The following CRYBB3 variants were observed in gnomAD, a reference collection of about 807,000 sequenced individuals.
The protein encoded by CRYBB3 is crystallin beta B3, also known as beta-crystallin B3.
A neutral mutation model predicts 28.3 loss-of-function variants in CRYBB3; 35 were observed. The ratio of observed to expected loss-of-function variants is 1.24; its 90% CI spans 0.95 to 1.64. The LOEUF is 1.64. Ranked by LOEUF, CRYBB3 falls within the 40% of genes most tolerant of loss-of-function variation. The pLI, the probability that CRYBB3 is intolerant of heterozygous loss-of-function variation, is 0.00. For synonymous variants in CRYBB3, 106 were observed against 110.4 expected (o/e 0.96, Z 0.25); for missense variants, 296 against 297.4 (o/e 1.00, Z 0.04).
chr22:25,207,062 G>T lies in CRYBB3; in HGVS notation c.486G>T (p.Glu162Asp). 1 of 1,613,710 alleles carries T rather than the reference G, an allele frequency of 6.2e-7. No individual in the cohort carries two copies. The highest frequency in any genetic ancestry group is 8.5e-7 in the Non-Finnish European group (1 of 1,179,744). ...CTCCCGGCAGGTGGGTTGGCTATGA[G>T]TTCCCCGGCTACCGTGGGCGCCAGT... ...RAINGTWVGY[E>D]FPGYRGRQYV... is the part of the protein sequence containing the mutation. Residue 162 changes from glutamate to aspartate, a missense_variant, in exon 6 of 6, where the codon GAG becomes GAT. Physicochemically the swap from Glu to Asp is conservative, Grantham distance 45 (BLOSUM62 2). Coordinates refer to ENST00000215855, the MANE Select transcript of CRYBB3 (RefSeq NM_004076.5).
intron 1 of CRYBB3, among the ~76,000 whole-genome samples, 166 bp downstream of exon 1, chr22:25,200,075 G>C (rs1404507117): frequency 2.0e-5 from 3 of 152,166 alleles, no homozygotes; most frequent in Non-Finnish European, 4.4e-5. Context: ...CCAGCTGGGG[G>C]TGGAACGAGG....
intron 5 of CRYBB3, among the ~76,000 whole-genome samples, chr22:25,206,356 C>T (rs1468665249): frequency 1.3e-5 from 2 of 152,066 alleles, no homozygotes; most frequent in African/African-American, 4.8e-5. Flanking sequence ...CCAGCCTGAC[C>T]ACCACGGAGA....
In CRYBB3 at chr22:25,207,347, C is replaced by A. The variant is rs1935054582; in HGVS notation, c.*135C>A. The A allele has an allele frequency of 1.3e-6, 1 of 757,820 alleles. No homozygotes were observed. The highest frequency in any genetic ancestry group is 2.1e-6 in the Non-Finnish European group (1 of 477,916). The allele number at this position is 757,820 out of a possible 1,614,324, so 46.9% of individuals were successfully genotyped here. On this transcript the variant is annotated 3_prime_UTR_variant, in exon 6 of 6. Coordinates refer to ENST00000215855, the MANE Select transcript of CRYBB3 (RefSeq NM_004076.5). ...CTGCTCAATAAAGCCTGGGGTTGGTCCCCCACCCGCCACGTTCCTCGGCAT... is the reference window on the plus strand; with the variant it reads ...CTGCTCAATAAAGCCTGGGGTTGGTACCCCACCCGCCACGTTCCTCGGCAT...
rs141765509 is a variant in CRYBB3 at position 25,205,301 on chromosome 22, C to T, written c.409C>T (p.Pro137Ser). 1.2e-6 allele frequency: 2 copies of T among 1,614,024 alleles called. No homozygotes were observed. Among genetic ancestry groups the T allele is most frequent in the Non-Finnish European group, 1.7e-6 (2 of 1,180,048 alleles). The change falls in exon 5 of 6, where the codon CCC becomes TCC. Residue 137 changes from proline to serine, a missense_variant. Pro to Ser is a moderately conservative substitution (Grantham distance 74). Coordinates refer to ENST00000215855, the MANE Select transcript of CRYBB3 (RefSeq NM_004076.5). The stretch of plus-strand genomic sequence containing the variant: ...GATGGAGATAGTGGATGATGACGTG[C>T]CCAGCCTGTGGGCTCATGGCTTCCA... ...RKMEIVDDDV[P>S]SLWAHGFQDR... is the part of the protein sequence containing the mutation.
rs1290227354 is a variant in CRYBB3 at position 25,207,122 on chromosome 22, T to C, written c.546T>C (p.Asn182=). 6 of 1,613,470 alleles carry C rather than the reference T, an allele frequency of 3.7e-6. No homozygotes were observed. Among genetic ancestry groups the C allele is most frequent in the Middle Eastern group, 1.6e-4 (1 of 6,084 alleles). Residue 182 remains asparagine (N), a synonymous_variant, in exon 6 of 6, where the codon AAT becomes AAC. Transcript: ENST00000215855. ...VFERGEYRHW[N]EWDASQPQLQ... ...AGCGGGGCGAGTACCGCCACTGGAA[T>C]GAGTGGGACGCCAGCCAGCCGCAGC... is the stretch of plus-strand genomic sequence containing the variant.
Position 25,201,479 on chromosome 22 carries a change from G to A in CRYBB3, c.75+8G>A. 6.2e-7 allele frequency: 1 copy of A among 1,612,286 alleles called. No homozygotes were observed. The highest frequency in any genetic ancestry group is 8.5e-7 in the Non-Finnish European group (1 of 1,179,142). ...CTTGGGGGCAGCTACAAGGTACTGGGCAGGGAGGGGGTCAGAGGGCCCAGG... is the reference window on the plus strand; with the variant it reads ...CTTGGGGGCAGCTACAAGGTACTGGACAGGGAGGGGGTCAGAGGGCCCAGG... On this transcript the variant is annotated splice_region_variant and intron_variant, in intron 2 of 5. Coordinates refer to ENST00000215855, the MANE Select transcript of CRYBB3 (RefSeq NM_004076.5).
Position 25,202,688 on chromosome 22 carries a change from A to G in CRYBB3, c.90A>G (p.Glu30=). ...LGGSYKVILY[E]LENFQGKRCE... ...TGCTCTTCTAGGTGATCTTGTACGA[A>G]CTAGAGAACTTCCAAGGCAAACGCT... The change falls in exon 3 of 6, where the codon GAA becomes GAG. Residue 30 remains glutamate, a synonymous_variant. Transcript: ENST00000215855. 1 of 1,613,948 alleles carries G rather than the reference A, an allele frequency of 6.2e-7. No homozygotes were observed. Among genetic ancestry groups the G allele is most frequent in the Non-Finnish European group, 8.5e-7 (1 of 1,179,932 alleles).
chr22:25,202,542 C>A, intron 2 of CRYBB3, 132 bp from the exon 3 acceptor site: 1 of 1,560,248 alleles, frequency 6.4e-7, no homozygotes. Context: ...AGTGCAGGCC[C>A]ACCTCAGTGC....
Position 25,207,063 on chromosome 22 carries a change from T to C in CRYBB3, c.487T>C (p.Phe163Leu). Reference protein sequence around the residue: ...AINGTWVGYEFPGYRGRQYVF... With the variant: ...AINGTWVGYELPGYRGRQYVF... ...TCCCGGCAGGTGGGTTGGCTATGAG[T>C]TCCCCGGCTACCGTGGGCGCCAGTA... The change falls in exon 6 of 6, where the codon TTC (phenylalanine) becomes CTC (leucine). Residue 163 changes from phenylalanine (F) to leucine (L), a missense_variant. Coordinates refer to ENST00000215855, the MANE Select transcript of CRYBB3 (RefSeq NM_004076.5). The C allele has an allele frequency of 1.2e-6, 2 of 1,613,320 alleles. No homozygotes were observed. Among genetic ancestry groups the C allele is most frequent in the African/African-American group, 1.3e-5 (1 of 74,940 alleles).
At chr22:25,205,116 G>T in intron 4 of CRYBB3, 104 bp from the exon 5 acceptor site, 2 of 1,484,644 alleles carry the variant, frequency 1.3e-6, no homozygotes, top group South Asian at 1.2e-5. Context: ...TTGGGGGTGG[G>T]TGTTATTTTG....
chr22:25,202,816 C>T (rs1934972182), intron 3 of CRYBB3, 24 bp downstream of exon 3: 3 of 1,612,486 alleles, frequency 1.9e-6, no homozygotes, highest in Non-Finnish European at 2.5e-6. Flanking sequence ...CCCCCAGTCC[C>T]TCGCCACAGC....
intron 1 of CRYBB3, among the ~76,000 whole-genome samples, chr22:25,200,945 G>A (rs1268233520): frequency 6.6e-6 from 1 of 152,232 alleles, no homozygotes; most frequent in Non-Finnish European, 1.5e-5. Context: ...CTGGAGTACG[G>A]AGGTGGGAGA....
intron 5 of CRYBB3, 53 bp downstream of exon 5, chr22:25,205,415 G>A: frequency 6.2e-7 from 1 of 1,607,508 alleles, no homozygotes; most frequent in Non-Finnish European, 8.5e-7. Context: ...CCATGCCTCT[G>A]GCTCCAAACA....
intron 1 of CRYBB3, among the ~76,000 whole-genome samples, chr22:25,200,901 T>G (rs1473545244): frequency 1.3e-5 from 2 of 152,154 alleles, no homozygotes; most frequent in African/African-American, 4.8e-5. Flanking sequence ...ATGGAATATT[T>G]GTTGAATAAA....
Position 25,205,342 on chromosome 22 carries a change from T to C in CRYBB3, c.450T>C (p.Ser150=). Reference sequence around the variant, plus strand: ...ATGGCTTCCAGGACCGTGTGGCGAGTGTCCGTGCCATCAACGGGACGTAAG... The same window carrying C: ...ATGGCTTCCAGGACCGTGTGGCGAGCGTCCGTGCCATCAACGGGACGTAAG... ...WAHGFQDRVA[S]VRAINGTWVG... Residue 150 remains serine, a synonymous_variant, in exon 5 of 6, where the codon AGT becomes AGC. Coordinates refer to ENST00000215855, the MANE Select transcript of CRYBB3 (RefSeq NM_004076.5). The C allele has an allele frequency of 4.3e-6, 7 of 1,614,010 alleles. No homozygotes were observed. Among genetic ancestry groups the C allele is most frequent in the Non-Finnish European group, 5.9e-6 (7 of 1,180,014 alleles).
chr22:25,205,564 A>G (rs1935019413), intron 5 of CRYBB3, among the ~76,000 whole-genome samples: 1 of 152,038 alleles, frequency 6.6e-6, no homozygotes, highest in African/African-American at 2.4e-5. Context: ...GGTTCATGCC[A>G]TTCTCCTGCC....
chr22:25,201,486 G>T lies in CRYBB3; in HGVS notation c.75+15G>T. The T allele has an allele frequency of 1.2e-6, 2 of 1,611,520 alleles. No homozygotes were observed. Among genetic ancestry groups the T allele is most frequent in the South Asian group, 2.2e-5 (2 of 90,958 alleles). ...GCAGCTACAAGGTACTGGGCAGGGA[G>T]GGGGTCAGAGGGCCCAGGCTACTCC... On this transcript the variant is annotated intron_variant, in intron 2 of 5. Transcript: ENST00000215855.
In CRYBB3 at chr22:25,202,686, G is replaced by T; in HGVS notation, c.88G>T (p.Glu30Ter). Residue 30 changes from glutamate to a stop codon, truncating the protein, a stop_gained, in exon 3 of 6, where the codon GAA becomes TAA. Coordinates refer to ENST00000215855, the MANE Select transcript of CRYBB3 (RefSeq NM_004076.5). LOFTEE classifies it high-confidence loss of function. ...TCTGCTCTTCTAGGTGATCTTGTAC[G>T]AACTAGAGAACTTCCAAGGCAAACG... ...LGGSYKVILY[E>*]LENFQGKRCE... 1.2e-6 allele frequency: 2 copies of T among 1,613,898 alleles called. No individual in the cohort carries two copies. Among genetic ancestry groups the T allele is most frequent in the South Asian group, 2.2e-5 (2 of 91,028 alleles).
At chr22:25,203,263 C>G (rs1224280305) in intron 3 of CRYBB3, among the ~76,000 whole-genome samples, 1 of 152,150 alleles carries the variant, frequency 6.6e-6, no homozygotes, top group Non-Finnish European at 1.5e-5. Flanking sequence ...GATTGCAAGT[C>G]CAGGCTCTGG....
Sources: gnomAD v4.1 joint callset for allele counts (sites outside exome capture counted in the v4.1 genomes callset) on GRCh38, gnomAD v4.1.1 for gene constraint, MANE v1.5 for transcripts, NCBI Gene and HGNC (gene_info 2026-07-23, HGNC 2026-07-21) for gene names.